Variants in FBXO4 observed in about 807,000 individuals in gnomAD.
The protein encoded by FBXO4 is F-box only protein 4.
FBXO4 carries 36 observed loss-of-function variants against 43.7 expected under a neutral mutation model. The observed-to-expected ratio is 0.82, with a 90% CI of 0.63 to 1.09. The LOEUF (loss-of-function observed/expected upper bound fraction) is 1.09. FBXO4 is among the 50% of genes least tolerant of loss of function. The pLI is 0.00. For synonymous variants in FBXO4, 180 were observed against 165.6 expected (o/e 1.09, Z -0.67); for missense variants, 435 against 474.1 (o/e 0.92, Z 0.77).
intron 6 of FBXO4, 78 bp downstream of exon 6, chr5:41,939,694 T>C: frequency 8.3e-7 from 1 of 1,203,920 alleles, no homozygotes; most frequent in Non-Finnish European, 1.1e-6. Flanking sequence ...TTTAAATTCA[T>C]CTTCTTTAAT....
the FBXO4 span, among the ~76,000 whole-genome samples, chr5:41,974,084 A>G: frequency 6.6e-6 from 1 of 152,032 alleles, no homozygotes; most frequent in East Asian, 1.9e-4. Flanking sequence ...TCTAATTGTT[A>G]TCTTTCTTTC....
chr5:42,033,851 T>C, the FBXO4 span, among the ~76,000 whole-genome samples: 13 of 152,338 alleles, frequency 8.5e-5, no homozygotes, highest in African/African-American at 2.9e-4. Context: ...AGTAGAATGA[T>C]TTATATTCCT....
Position 41,934,278 on chromosome 5 carries a change from A to G in FBXO4, c.868A>G (p.Ile290Val). The G allele has an allele frequency of 1.2e-6, 2 of 1,614,184 alleles. No homozygotes were observed. The highest frequency in any genetic ancestry group is 1.1e-5 in the South Asian group (1 of 91,088). The change falls in exon 5 of 7, where the codon ATC becomes GTC. Residue 290 changes from isoleucine to valine, a missense_variant. Transcript: ENST00000281623. Reference protein sequence around the residue: ...QKVCEVVDGFIYVANAEAHKR... With the variant: ...QKVCEVVDGFVYVANAEAHKR... ...AGTGTGTGAAGTTGTAGATGGGTTC[A>G]TCTATGTTGCAAATGCTGAAGCTCA...
At chr5:41,946,158 C>T (rs1283053535), downstream of FBXO4, among the ~76,000 whole-genome samples, 1 of 152,136 alleles carries the variant, frequency 6.6e-6, no homozygotes, top group Non-Finnish European at 1.5e-5. Context: ...GTGGTGACAC[C>T]CCTGGACCCA....
chr5:41,935,068 G>T (rs1579981843), intron 5 of FBXO4: 1 of 984,844 alleles, frequency 1.0e-6, no homozygotes, highest in Non-Finnish European at 1.2e-6. Context: ...TCTATAAAAA[G>T]AAAACTTAGA....
chr5:42,022,552 A>G, the FBXO4 span, among the ~76,000 whole-genome samples: 1 of 152,004 alleles, frequency 6.6e-6, no homozygotes, highest in African/African-American at 2.4e-5. Context: ...TTTTACCACA[A>G]TTCTTTTTCA....
At chr5:41,963,204 C>T in the FBXO4 span, among the ~76,000 whole-genome samples, 11 of 151,672 alleles carry the variant, frequency 7.3e-5, no homozygotes, top group Admixed American at 7.2e-4. Flanking sequence ...AATATATATA[C>T]TATATATACA....
chr5:41,994,207 A>G, the FBXO4 span, among the ~76,000 whole-genome samples: 2 of 152,250 alleles, frequency 1.3e-5, no homozygotes, highest in African/African-American at 4.8e-5. Flanking sequence ...ATGCTATTAC[A>G]TAAAGTTAAC....
At chr5:42,015,993 A>G in the FBXO4 span, among the ~76,000 whole-genome samples, 1 of 152,188 alleles carries the variant, frequency 6.6e-6, no homozygotes, top group Admixed American at 6.6e-5. Flanking sequence ...CCTCAGTAGG[A>G]AAACATTAAA....
chr5:41,960,307 T>A, the FBXO4 span, among the ~76,000 whole-genome samples: 4 of 152,122 alleles, frequency 2.6e-5, no homozygotes, highest in Non-Finnish European at 5.9e-5. Context: ...ACAGAAATAA[T>A]TTAACTTTTT....
At chr5:41,961,597 T>TA in the FBXO4 span, among the ~76,000 whole-genome samples, 1 of 152,146 alleles carries the variant, frequency 6.6e-6, no homozygotes, top group Non-Finnish European at 1.5e-5. Context: ...TATGCAGAGT[T>TA]AAAGTGGCTC....
chr5:41,994,301 A>G, the FBXO4 span, among the ~76,000 whole-genome samples: 1 of 152,260 alleles, frequency 6.6e-6, no homozygotes, highest in African/African-American at 2.4e-5. Flanking sequence ...ATATTTCCTT[A>G]GTACAAGTGT....
chr5:42,037,873 A>G, the FBXO4 span, among the ~76,000 whole-genome samples: 1 of 152,120 alleles, frequency 6.6e-6, no homozygotes, highest in Non-Finnish European at 1.5e-5. Flanking sequence ...GGGGAGATTT[A>G]TTTGATGGTC....
Position 41,925,287 on chromosome 5 carries a change from G to C in FBXO4, c.-23G>C. The C allele has an allele frequency of 1.5e-6, 2 of 1,319,256 alleles. No individual in the cohort carries two copies. The highest frequency in any genetic ancestry group is 1.9e-6 in the Non-Finnish European group (2 of 1,029,502). The allele number at this position is 1,319,256 out of a possible 1,614,324, so 81.7% of individuals were successfully genotyped here. A position where few individuals can be genotyped will look rare whatever the true frequency, so the allele number is the denominator to read the frequency against. On this transcript the variant is annotated 5_prime_UTR_variant, in exon 1 of 7. Coordinates refer to ENST00000281623, the MANE Select transcript of FBXO4 (RefSeq NM_012176.3). The stretch of plus-strand genomic sequence containing the variant: ...ACGCGCTAGCGTGGCTCTAAGACGC[G>C]TCACCCACGCTGCGGGCAAGCCATG...
chr5:41,941,103 C>T (rs1751992641), intron 6 of FBXO4, 89 bp from the exon 7 acceptor site: 5 of 976,070 alleles, frequency 5.1e-6, no homozygotes, highest in Admixed American at 2.1e-5. Context: ...GTTCTGTTAT[C>T]TTTTTAGTGT....
chr5:41,949,448 T>C, the FBXO4 span, among the ~76,000 whole-genome samples: 1 of 152,114 alleles, frequency 6.6e-6, no homozygotes, highest in African/African-American at 2.4e-5. Context: ...AAATCATGAG[T>C]GAACTCCCAT....
the FBXO4 span, among the ~76,000 whole-genome samples, chr5:41,969,533 G>T: frequency 6.6e-6 from 1 of 151,928 alleles, no homozygotes; most frequent in African/African-American, 2.4e-5. Flanking sequence ...ATAATATTTG[G>T]CTATATCATT....
At chr5:41,941,780 T>G (rs1752010144), downstream of FBXO4, 1 of 152,802 alleles carries the variant, frequency 6.5e-6, no homozygotes, top group African/African-American at 2.4e-5. Flanking sequence ...GGCCATACAA[T>G]CTGTCTTTTA....
At chr5:41,986,996 T>A in the FBXO4 span, among the ~76,000 whole-genome samples, 1 of 152,182 alleles carries the variant, frequency 6.6e-6, no homozygotes. Flanking sequence ...TCCATTTAGC[T>A]TTAATGCCTG....
Sources: gnomAD v4.1 joint callset for allele counts (sites outside exome capture counted in the v4.1 genomes callset) on GRCh38, gnomAD v4.1.1 for gene constraint, MANE v1.5 for transcripts, NCBI Gene and HGNC (gene_info 2026-07-23, HGNC 2026-07-21) for gene names.